Variants in UBR4 observed in about 807,000 individuals in gnomAD.
UBR4 encodes ubiquitin protein ligase E3 component n-recognin 4.
Under a neutral mutation model 575.6 loss-of-function variants are expected in UBR4, and 124 were observed. The observed-to-expected ratio is 0.22, with a 90% confidence interval of 0.19 to 0.25. The LOEUF (loss-of-function observed/expected upper bound fraction) is 0.25. Among genes scored for constraint, UBR4 ranks in the 10% least tolerant of loss-of-function variants. The pLI, the probability that UBR4 is intolerant of heterozygous loss-of-function variation, is 1.00. For missense variants in UBR4, 4,818 were observed against 6,478.8 expected (o/e 0.74, Z 8.80); for synonymous variants, 2,455 against 2,473.7 (o/e 0.99, Z 0.22).
chr1:19,123,885 C>T (rs992369584), intron 65 of UBR4, among the ~76,000 whole-genome samples: 5 of 152,250 alleles, frequency 3.3e-5, no homozygotes, highest in Admixed American at 3.3e-4. Flanking sequence ...CCTACTGACA[C>T]TGCCCAGTGA....
chr1:19,096,690 G>A lies in UBR4; in HGVS notation c.13391-40C>T, dbSNP rs780177800. 10 of 1,610,148 alleles carry A rather than the reference G, an allele frequency of 6.2e-6. No homozygotes were observed. The Admixed American group carries it at 1.0e-4, about 16-fold the overall frequency. ...AAGCCAAGCAGAAATGGAGGGTAAG[G>A]TGAAGATGGGAATAAAATAGGCCAG... On this transcript the variant is annotated intron_variant, in intron 91 of 105. Transcript: ENST00000375254.
Position 19,150,763 on chromosome 1 carries a change from G to A in UBR4, c.7244C>T (p.Thr2415Ile). The change falls in exon 49 of 106, where the codon ACC (threonine) becomes ATC (isoleucine). Residue 2415 changes from threonine (T) to isoleucine (I), a missense_variant. Thr to Ile is a moderately conservative substitution (Grantham distance 89). Around this residue, in one of 29 missense-constraint regions of UBR4, gnomAD observed 340 missense variants for 375.4 expected, o/e 0.91. Transcript: ENST00000375254. ...ATAAATTTTTACAGCATCTATCATG[G>A]TGACACCTGCTGGATCCACCGAGGC... ...IGASVDPAGV[T>I]MIDAVKIYGK... 2 of 1,613,972 alleles carry A rather than the reference G, an allele frequency of 1.2e-6. No individual in the cohort carries two copies. Among genetic ancestry groups the A allele is most frequent in the South Asian group, 2.2e-5 (2 of 91,056 alleles).
In UBR4 at chr1:19,100,235, T is replaced by G; in HGVS notation, c.13221+141A>C. 1.2e-6 allele frequency: 1 copy of G among 835,468 alleles called. No homozygotes were observed. The highest frequency in any genetic ancestry group is 1.9e-6 in the Non-Finnish European group (1 of 521,958). 51.8% of individuals were successfully genotyped at this position (835,468 alleles called of 1,614,324 possible). ...GGTGAGGTAGAAAGGTGGGAATCAT[T>G]AACCCCAACTTACAGAGTGGAGAAA... On this transcript the variant is annotated intron_variant, in intron 89 of 105. Transcript: ENST00000375254. The surrounding 1 kb of genome is among the most constrained non-coding windows in gnomAD (Gnocchi z 4.2).
intron 78 of UBR4, 162 bp downstream of exon 78, chr1:19,112,362 G>A (rs1363805451): frequency 9.0e-6 from 7 of 779,454 alleles, no homozygotes; most frequent in Non-Finnish European, 1.2e-5. Context: ...CCCCAAGCTC[G>A]CTCACCTACA....
At chr1:19,123,587 G>A (rs916447066) in intron 65 of UBR4, among the ~76,000 whole-genome samples, 3 of 152,178 alleles carry the variant, frequency 2.0e-5, no homozygotes, top group Admixed American at 2.0e-4. Flanking sequence ...AAATCAAAGA[G>A]GAAAATACCA....
At position 19,152,625 on chromosome 1, in the gene UBR4, T is replaced by C. The variant is rs143494346; in HGVS notation, c.6833-149A>G. The C allele has an allele frequency of 4.7e-6, 5 of 1,058,242 alleles. No individual in the cohort carries two copies. In the Admixed American group the frequency reaches 1.3e-4, roughly 27 times the overall value. 65.6% of individuals were successfully genotyped at this position (1,058,242 alleles called of 1,614,324 possible). On this transcript the variant is annotated intron_variant, in intron 46 of 105. Transcript: ENST00000375254. This position sits in a 1 kb window ranked among gnomAD's most constrained non-coding sequence, Gnocchi z 4.4. The stretch of plus-strand genomic sequence containing the variant: ...CATTTGCATCGGCATGATGCCTACA[T>C]GTGGTTAGCTCTCCAATGGTTGTTA...
At position 19,117,757 on chromosome 1, in the gene UBR4, C is replaced by T. The variant is rs2080711418; in HGVS notation, c.10629+66G>A. 6.9e-7 allele frequency: 1 copy of T among 1,450,146 alleles called. No homozygotes were observed. Among genetic ancestry groups the T allele is most frequent in the East Asian group, 2.3e-5 (1 of 44,066 alleles). The allele number at this position is 1,450,146 out of a possible 1,614,324, so 89.8% of individuals were successfully genotyped here. On this transcript the variant is annotated intron_variant, in intron 72 of 105. Transcript: ENST00000375254. This position sits in a 1 kb window ranked among gnomAD's most constrained non-coding sequence, Gnocchi z 4.0. ...GAACATCTATGTGATAATGATCCAT[C>T]TCTGGAAACAAGAATCCCACTGGAC...
intron 3 of UBR4, 102 bp from the exon 4 acceptor site, chr1:19,199,030 G>A (rs1164982453): frequency 2.1e-6 from 3 of 1,416,438 alleles, no homozygotes; most frequent in African/African-American, 1.4e-5. Context: ...GCCAAATTTA[G>A]GTTCATATAA....
chr1:19,187,363 G>A (rs749034229), intron 12 of UBR4, 62 bp from the exon 13 acceptor site: 17 of 1,608,884 alleles, frequency 1.1e-5, no homozygotes, highest in Admixed American at 1.7e-5. Flanking sequence ...AACAACTTGA[G>A]TTGATGGATC....
chr1:19,197,378 CGA>C, intron 7 of UBR4, 113 bp from the exon 8 acceptor site: 3 of 1,462,932 alleles, frequency 2.1e-6, no homozygotes, highest in Non-Finnish European at 2.8e-6. Flanking sequence ...CCTATAATTC[CGA>C]CACTTCAGGA....
rs781060663 is a variant in UBR4, at chr1:19,115,599, G to T, written c.10862C>A (p.Thr3621Asn). The T allele has an allele frequency of 1.2e-6, 2 of 1,614,182 alleles. No homozygotes were observed. The highest frequency in any genetic ancestry group is 2.2e-5 in the South Asian group (2 of 91,076). ...RWHKAKKVQL[T>N]PGQTEVKIDL... The stretch of plus-strand genomic sequence containing the variant: ...AATCTTCACCTCTGTCTGTCCAGGG[G>T]TCAGCTGAACCTTCTTGGCTTTGTG... Residue 3621 changes from threonine to asparagine, a missense_variant, in exon 74 of 106, where the codon ACC becomes AAC. Thr to Asn is a moderately conservative substitution (Grantham distance 65, BLOSUM62 0). This residue lies in a region of UBR4 where 550 missense variants were observed against 791.5 expected (regional missense o/e 0.69). Coordinates refer to ENST00000375254, the MANE Select transcript of UBR4 (RefSeq NM_020765.3).
rs141581915 is a variant in UBR4, at chr1:19,112,981, T to C, written c.11458-114A>G. Reference sequence around the variant, plus strand: ...ACTTTACATGCATTATATAACTTAATCTTCTCAATAACCCAACTGGTTAGA... The same window carrying C: ...ACTTTACATGCATTATATAACTTAACCTTCTCAATAACCCAACTGGTTAGA... On this transcript the variant is annotated intron_variant, in intron 77 of 105. Transcript: ENST00000375254. The C allele has an allele frequency of 1.0e-4, 111 of 1,084,794 alleles. No homozygotes were observed. In the African/African-American group the frequency reaches 1.7e-3, roughly 16 times the overall value. The allele number at this position is 1,084,794 out of a possible 1,614,324, so 67.2% of individuals were successfully genotyped here.
intron 34 of UBR4, 30 bp downstream of exon 34, chr1:19,163,733 AC>A: frequency 1.9e-6 from 3 of 1,609,728 alleles, no homozygotes; most frequent in South Asian, 1.1e-5. Context: ...CTTTCCCTTC[AC>A]CCCCCATTGT....
In UBR4 at chr1:19,145,508, G is replaced by GACACACACACACACACACACACACAC. The variant is rs555050832; in HGVS notation, c.7945+259_7945+284dup. On this transcript the variant is annotated intron_variant, in intron 53 of 105. Transcript: ENST00000375254. ...TTTAAAAACAATTATAAACCACTGA[G>GACACACACACACACACACACACACAC]ACACACACACACACACACACACACA... Among the ~76,000 whole-genome samples the GACACACACACACACACACACACACAC allele has an allele frequency of 6.1e-3, 884 of 145,048 alleles. 14 individuals are homozygous for GACACACACACACACACACACACACAC. Among genetic ancestry groups the GACACACACACACACACACACACACAC allele is most frequent in the Admixed American group, 0.033 (483 of 14,438 alleles).
intron 94 of UBR4, 67 bp downstream of exon 94, chr1:19,094,839 C>T (rs1055492151): frequency 7.1e-5 from 112 of 1,588,470 alleles, no homozygotes; most frequent in Non-Finnish European, 8.9e-5. Context: ...ACAAACAGGC[C>T]TGTTGTGGGC....
At chr1:19,097,089 G>C in intron 91 of UBR4, 104 bp downstream of exon 91, 1 of 868,190 alleles carries the variant, frequency 1.2e-6, no homozygotes, top group Non-Finnish European at 1.7e-6. Flanking sequence ...CAATTCTGAT[G>C]CAGAGGTACA....
At chr1:19,133,219 T>C (rs2082740990) in intron 60 of UBR4, among the ~76,000 whole-genome samples, 1 of 152,214 alleles carries the variant, frequency 6.6e-6, no homozygotes, top group South Asian at 2.1e-4. Flanking sequence ...GGAAAATACA[T>C]CATGACTAAA....
chr1:19,148,155 C>T (rs780133517), intron 50 of UBR4, 28 bp from the exon 51 acceptor site: 6 of 1,588,196 alleles, frequency 3.8e-6, no homozygotes, highest in Non-Finnish European at 5.1e-6. Flanking sequence ...AGGGTTATCA[C>T]TAACCCCACC....
chr1:19,163,738 C>T (rs561202570), intron 34 of UBR4, 26 bp downstream of exon 34: 1 of 1,612,342 alleles, frequency 6.2e-7, no homozygotes, highest in Admixed American at 1.7e-5. Context: ...CCTTCACCCC[C>T]CATTGTCATT....
Sources: gnomAD v4.1 joint callset for allele counts (sites outside exome capture counted in the v4.1 genomes callset) on GRCh38, gnomAD v4.1.1 for gene constraint, gnomAD v4.1.1 regional missense constraint, Gnocchi (gnomAD v3.1) non-coding constraint, MANE v1.5 for transcripts, NCBI Gene and HGNC (gene_info 2026-07-23, HGNC 2026-07-21) for gene names.